The following SC5D variants were observed in gnomAD, a reference collection of about 807,000 sequenced individuals.
SC5D encodes lathosterol oxidase.
Under a neutral mutation model 23.9 loss-of-function variants are expected in SC5D, and 21 were observed. The observed-to-expected ratio is 0.88, with a 90% CI of 0.62 to 1.26. The LOEUF is 1.26. Ranked by LOEUF, SC5D falls within the 50% of genes most tolerant of loss-of-function variation. The probability of loss-of-function intolerance (pLI) is 0.00; values close to 1 mark genes in which losing one functional copy is unlikely to be tolerated. For missense variants in SC5D, 309 were observed against 364.8 expected, an observed-to-expected ratio of 0.85 and a Z score of 1.25; for synonymous variants, 113 against 125.9, an observed-to-expected ratio of 0.90 and a Z score of 0.68.
At chr11:121,302,230 A>G (rs1364783179) in intron 1 of SC5D, among the ~76,000 whole-genome samples, 1 of 152,208 alleles carries the variant, frequency 6.6e-6, no homozygotes, top group Non-Finnish European at 1.5e-5. Flanking sequence ...CCCAATATGT[A>G]GGAGATAAAG....
At position 121,304,392 on chromosome 11, in the gene SC5D, T is replaced by C. The variant is rs751428422; in HGVS notation, c.242T>C (p.Val81Ala). The C allele has an allele frequency of 1.9e-6, 3 of 1,613,294 alleles. No individual in the cohort carries two copies. Among genetic ancestry groups the C allele is most frequent in the Non-Finnish European group, 2.5e-6 (3 of 1,179,352 alleles). Reference sequence around the variant, plus strand: ...GTCCGTCGAGAGATTAAGTTTACTGTCCAGGCATTGCCATGGATAAGTATT... The same window carrying C: ...GTCCGTCGAGAGATTAAGTTTACTGCCCAGGCATTGCCATGGATAAGTATT... Reference protein sequence around the residue: ...NQVRREIKFTVQALPWISILT... With the variant: ...NQVRREIKFTAQALPWISILT... The change falls in exon 3 of 5, where the codon GTC (valine) becomes GCC (alanine). Residue 81 changes from valine to alanine, a missense_variant. Physicochemically the swap from Val to Ala is moderately conservative, Grantham distance 64. Coordinates refer to ENST00000264027, the MANE Select transcript of SC5D (RefSeq NM_006918.5).
chr11:121,300,720 G>T (rs1260958252), intron 1 of SC5D, among the ~76,000 whole-genome samples: 1 of 152,194 alleles, frequency 6.6e-6, no homozygotes. Flanking sequence ...CAAGAAAGGG[G>T]AGAAGGCCCT....
rs1336011835 is a variant in SC5D, at chr11:121,307,569, T to C, written c.*57T>C. ...AAGAAGGAAATATCATCGTATTTCT[T>C]TTTTTTAATAAGGAAAAAATAATAT... On this transcript the variant is annotated 3_prime_UTR_variant, in exon 5 of 5. Transcript: ENST00000264027. 3 of 1,221,080 alleles carry C rather than the reference T, an allele frequency of 2.5e-6. No individual in the cohort carries two copies. Among genetic ancestry groups the C allele is most frequent in the Non-Finnish European group, 3.4e-6 (3 of 874,950 alleles). 75.6% of individuals were successfully genotyped at this position (1,221,080 alleles called of 1,614,324 possible).
At position 121,306,164 on chromosome 11, in the gene SC5D, T is replaced by G. The variant is rs1591505128; in HGVS notation, c.344-222T>G. 3 of 523,226 alleles carry G rather than the reference T, an allele frequency of 5.7e-6. No individual in the cohort carries two copies. The East Asian group carries it at 1.0e-4, about 18-fold the overall frequency. 32.4% of individuals were successfully genotyped at this position (523,226 alleles called of 1,614,324 possible). On this transcript the variant is annotated intron_variant, in intron 3 of 4. Coordinates refer to ENST00000264027, the MANE Select transcript of SC5D (RefSeq NM_006918.5). ...CTTTATAGTTTAATTAAGAAGTACT[T>G]TAGGTAGAACATTTCAAGTACTTAT...
Position 121,303,561 on chromosome 11 carries a change from A to G in SC5D, c.186A>G (p.Leu62=). 1 of 1,612,718 alleles carries G rather than the reference A, an allele frequency of 6.2e-7. No individual in the cohort carries two copies. Among genetic ancestry groups the G allele is most frequent in the African/African-American group, 1.3e-5 (1 of 74,984 alleles). The part of the protein sequence containing the change: ...LSYYFVFDHA[L]MKHPQFLKNQ... ...ATTATTTTGTCTTCGATCATGCATT[A>G]ATGAAACATCCACAATTTTTAAAGG... Residue 62 remains leucine (L), a synonymous_variant, in exon 2 of 5, where the codon TTA becomes TTG. Transcript: ENST00000264027.
chr11:121,306,685 C>A (rs560684648), intron 4 of SC5D, 199 bp downstream of exon 4: 3 of 678,696 alleles, frequency 4.4e-6, no homozygotes, highest in African/African-American at 3.5e-5. Context: ...TTCGTCTGTT[C>A]CGGTAACAGG....
At chr11:121,296,784 C>T (rs1176197662) in intron 1 of SC5D, among the ~76,000 whole-genome samples, 2 of 152,144 alleles carry the variant, frequency 1.3e-5, no homozygotes, top group Non-Finnish European at 2.9e-5. Context: ...ATGTTAATAT[C>T]TGGCATTTGG....
At chr11:121,300,189 A>G (rs2134265041) in intron 1 of SC5D, among the ~76,000 whole-genome samples, 1 of 152,348 alleles carries the variant, frequency 6.6e-6, no homozygotes, top group Admixed American at 6.5e-5. Context: ...TAGGAATTAA[A>G]ACTTTATGAG....
chr11:121,310,581 C>G lies in SC5D; in HGVS notation c.*3069C>G, dbSNP rs1292310661. Reference sequence around the variant, plus strand: ...CACGCCATTCTCCTGCCTCAGCCTCCCGAGTAGCTGGGACTACAGGTGCCC... The same window carrying G: ...CACGCCATTCTCCTGCCTCAGCCTCGCGAGTAGCTGGGACTACAGGTGCCC... On this transcript the variant is annotated 3_prime_UTR_variant, in exon 5 of 5. Coordinates refer to ENST00000264027, the MANE Select transcript of SC5D (RefSeq NM_006918.5). Among the ~76,000 whole-genome samples the G allele has an allele frequency of 3.9e-5, 6 of 151,924 alleles. 1 individual carries two copies. The South Asian group carries it at 8.3e-4, about 21-fold the overall frequency.
At chr11:121,302,881 T>C (rs1053445622) in intron 1 of SC5D, among the ~76,000 whole-genome samples, 6 of 152,196 alleles carry the variant, frequency 3.9e-5, no homozygotes, top group Non-Finnish European at 8.8e-5. Flanking sequence ...GCAGCATGGA[T>C]ATCTTTTAGG....
chr11:121,306,149 T>C (rs1010735458), intron 3 of SC5D: 2 of 485,088 alleles, frequency 4.1e-6, no homozygotes, highest in African/African-American at 3.9e-5. Flanking sequence ...CTTTATAGTT[T>C]AATTAAGAAG....
Position 121,307,169 on chromosome 11 carries a change from T to C in SC5D, c.557T>C (p.Ile186Thr). 6.2e-7 allele frequency: 1 copy of C among 1,614,158 alleles called. No homozygotes were observed. Among genetic ancestry groups the C allele is most frequent in the Non-Finnish European group, 8.5e-7 (1 of 1,179,992 alleles). Residue 186 changes from isoleucine to threonine, a missense_variant, in exon 5 of 5, where the codon ATC (isoleucine) becomes ACC (threonine). Coordinates refer to ENST00000264027, the MANE Select transcript of SC5D (RefSeq NM_006918.5). ...CTACCTTACCATATATACCCTTTTA[T>C]CTTTCCATTACACAAGGTGGTTTAT... ...QSLPYHIYPF[I>T]FPLHKVVYLS...
Position 121,294,298 on chromosome 11 carries a change from A to G in SC5D, c.-11+1482A>G, listed in dbSNP as rs118088243. ...ATATGAGCTTGTAGAGGCACTGAAC[A>G]TTTTTAAAAATTCAGGAGTTGACGA... On this transcript the variant is annotated intron_variant, in intron 1 of 4. Coordinates refer to ENST00000264027, the MANE Select transcript of SC5D (RefSeq NM_006918.5). Among the ~76,000 whole-genome samples, 1,018 of 152,284 alleles carry G rather than the reference A, an allele frequency of 6.7e-3. 10 individuals are homozygous for G. Among genetic ancestry groups the G allele is most frequent in the Non-Finnish European group, 0.011 (739 of 68,022 alleles).
In SC5D at chr11:121,312,355, A is replaced by T. The variant is rs1948017239; in HGVS notation, c.*4843A>T. The stretch of plus-strand genomic sequence containing the variant: ...TCTAAGCTCAACTTGAAGATATAAG[A>T]ACAGTAAATTTGATAAAAATGAGAA... On this transcript the variant is annotated 3_prime_UTR_variant, in exon 5 of 5. Coordinates refer to ENST00000264027, the MANE Select transcript of SC5D (RefSeq NM_006918.5). Among the ~76,000 whole-genome samples, 1 of 152,218 alleles carries T rather than the reference A, an allele frequency of 6.6e-6. No homozygotes were observed. The highest frequency in any genetic ancestry group is 2.4e-5 in the African/African-American group (1 of 41,476).
chr11:121,299,012 C>T (rs772549784), intron 1 of SC5D, among the ~76,000 whole-genome samples: 1 of 152,194 alleles, frequency 6.6e-6, no homozygotes, highest in Non-Finnish European at 1.5e-5. Context: ...TGTAATTCTT[C>T]AGTTGCTTCA....
intron 1 of SC5D, among the ~76,000 whole-genome samples, chr11:121,302,907 G>T (rs944879635): frequency 2.6e-5 from 4 of 152,226 alleles, no homozygotes; most frequent in Admixed American, 2.0e-4. Context: ...TATCTTAGGT[G>T]TCAGTGCTGA....
At chr11:121,296,989 A>G (rs1296437909) in intron 1 of SC5D, among the ~76,000 whole-genome samples, 1 of 152,236 alleles carries the variant, frequency 6.6e-6, no homozygotes, top group Non-Finnish European at 1.5e-5. Flanking sequence ...TATTCTAAAT[A>G]TATGGAATGA....
Position 121,312,506 on chromosome 11 carries a change from T to G in SC5D, c.*4994T>G, listed in dbSNP as rs1455405007. Among the ~76,000 whole-genome samples the G allele has an allele frequency of 6.6e-6, 1 of 152,162 alleles. No individual in the cohort carries two copies. Among genetic ancestry groups the G allele is most frequent in the African/African-American group, 2.4e-5 (1 of 41,454 alleles). On this transcript the variant is annotated 3_prime_UTR_variant, in exon 5 of 5. Coordinates refer to ENST00000264027, the MANE Select transcript of SC5D (RefSeq NM_006918.5). Reference sequence around the variant, plus strand: ...AAGAGATTTAATATTTTGATCCAACTACCAAAAAAGCAGACTTGTGTACTT... The same window carrying G: ...AAGAGATTTAATATTTTGATCCAACGACCAAAAAAGCAGACTTGTGTACTT...
Position 121,307,592 on chromosome 11 carries a change from T to G in SC5D, c.*80T>G, listed in dbSNP as rs1487492302. 15 of 986,388 alleles carry G rather than the reference T, an allele frequency of 1.5e-5. No homozygotes were observed. Among genetic ancestry groups the G allele is most frequent in the Non-Finnish European group, 2.1e-5 (14 of 675,528 alleles). 61.1% of individuals were successfully genotyped at this position (986,388 alleles called of 1,614,324 possible). ...CTTTTTTTTAATAAGGAAAAAATAA[T>G]ATCCATACAGTCAAGATACATAGTA... On this transcript the variant is annotated 3_prime_UTR_variant, in exon 5 of 5. Transcript: ENST00000264027.
Sources: allele counts gnomAD v4.1 joint callset (sites outside exome capture counted in the v4.1 genomes callset), GRCh38; gene constraint gnomAD v4.1.1; transcripts MANE v1.5; gene names NCBI Gene and HGNC (gene_info 2026-07-23, HGNC 2026-07-21).